SOX6: variants seen among roughly 807,000 people sequenced by gnomAD.
The protein encoded by SOX6 is SRY-box transcription factor 6.
In SOX6, 11 loss-of-function variants were observed where a neutral mutation model predicts 97.8. The observed-to-expected ratio is 0.11, with a 90% CI of 0.07 to 0.19. The LOEUF is 0.19. SOX6 is among the 10% of genes least tolerant of loss of function. The pLI is 1.00. For missense variants in SOX6, 810 were observed against 1,039.5 expected, an observed-to-expected ratio of 0.78 and a Z score of 3.04; for synonymous variants, 360 against 371.4, an observed-to-expected ratio of 0.97 and a Z score of 0.35.
At chr11:16,097,460 C>T (rs759457604) in intron 8 of SOX6, 149 bp downstream of exon 8, 119 of 709,060 alleles carry the variant, frequency 1.7e-4, no homozygotes, top group Non-Finnish European at 2.9e-4. Context: ...CTTCTATTTG[C>T]ATTACGATAA....
chr11:15,994,720 A>G (rs1261154765), intron 13 of SOX6, among the ~76,000 whole-genome samples: 1 of 152,218 alleles, frequency 6.6e-6, no homozygotes, highest in Non-Finnish European at 1.5e-5. Flanking sequence ...ATTTTGTCAG[A>G]TAGAATTAAT....
At chr11:15,988,008 A>G (rs999468791) in intron 14 of SOX6, among the ~76,000 whole-genome samples, 4 of 152,242 alleles carry the variant, frequency 2.6e-5, no homozygotes, top group Non-Finnish European at 5.9e-5. Flanking sequence ...AAACATGTGT[A>G]TCTGTGCATG....
intron 3 of SOX6, among the ~76,000 whole-genome samples, chr11:16,639,482 T>C (rs568631658): frequency 4.5e-4 from 68 of 152,340 alleles, no homozygotes; most frequent in African/African-American, 1.5e-3. Flanking sequence ...GGGGATGGCA[T>C]TGAATCTATA....
chr11:16,521,409 C>T (rs943110089), intron 4 of SOX6, among the ~76,000 whole-genome samples: 1 of 152,178 alleles, frequency 6.6e-6, no homozygotes, highest in Non-Finnish European at 1.5e-5. Context: ...AACAGACCTG[C>T]AGCTGAGGGT....
chr11:16,619,413 C>A (rs972783779), intron 3 of SOX6, among the ~76,000 whole-genome samples: 29 of 151,844 alleles, frequency 1.9e-4, no homozygotes, highest in African/African-American at 6.8e-4. Context: ...GCATTAATCT[C>A]CTGCCCCATG....
intron 1 of SOX6, among the ~76,000 whole-genome samples, chr11:16,354,902 T>A (rs1857035643): frequency 6.6e-6 from 1 of 152,046 alleles, no homozygotes; most frequent in Non-Finnish European, 1.5e-5. Context: ...ACACAATTTT[T>A]TTTTATTTCT....
chr11:16,531,219 A>G (rs1861231625), intron 4 of SOX6, among the ~76,000 whole-genome samples: 1 of 151,122 alleles, frequency 6.6e-6, no homozygotes, highest in South Asian at 2.1e-4. Context: ...AGGATTTTCA[A>G]GACAACAAAT....
chr11:16,599,028 A>G (rs1003853522), intron 4 of SOX6, among the ~76,000 whole-genome samples: 6 of 152,128 alleles, frequency 3.9e-5, no homozygotes, highest in Admixed American at 2.6e-4. Flanking sequence ...TGCACTTTGA[A>G]TTTATCTTAT....
At chr11:16,283,089 GTATATA>G (rs10581083) in intron 3 of SOX6, among the ~76,000 whole-genome samples, 2,517 of 113,676 alleles carry the variant, frequency 0.022, 74 homozygotes, top group Middle Eastern at 0.049. Flanking sequence ...TATATAATTT[GTATATA>G]TATATATATA....
chr11:16,560,090 T>G (rs1383344652), intron 4 of SOX6, among the ~76,000 whole-genome samples: 1 of 152,148 alleles, frequency 6.6e-6, no homozygotes, highest in African/African-American at 2.4e-5. Context: ...GCAAATCAAG[T>G]CCAATTCTTA....
chr11:16,168,571 C>T (rs1407784165), intron 6 of SOX6, among the ~76,000 whole-genome samples: 2 of 152,014 alleles, frequency 1.3e-5, no homozygotes, highest in African/African-American at 2.4e-5. Flanking sequence ...TTATGGAAAC[C>T]ACTATATTTC....
chr11:16,084,889 T>G (rs1848544584), intron 9 of SOX6, among the ~76,000 whole-genome samples: 1 of 152,184 alleles, frequency 6.6e-6, no homozygotes, highest in Non-Finnish European at 1.5e-5. Context: ...AGGGTTTGGT[T>G]GGATATAGGT....
chr11:16,636,668 C>A (rs1370090964), intron 3 of SOX6, among the ~76,000 whole-genome samples: 1 of 152,130 alleles, frequency 6.6e-6, no homozygotes, highest in African/African-American at 2.4e-5. Context: ...TCATCTTAAA[C>A]TGTAGTTCCC....
At chr11:16,089,614 C>G (rs1300276392) in intron 9 of SOX6, among the ~76,000 whole-genome samples, 1 of 151,960 alleles carries the variant, frequency 6.6e-6, no homozygotes, top group African/African-American at 2.4e-5. Flanking sequence ...TAAATTTTCC[C>G]TGAGTTTACC....
intron 4 of SOX6, among the ~76,000 whole-genome samples, chr11:16,580,574 C>A (rs1848023062): frequency 6.6e-6 from 1 of 152,198 alleles, no homozygotes; most frequent in Non-Finnish European, 1.5e-5. Flanking sequence ...ATAGCAAAGA[C>A]AAAATCAACC....
chr11:16,503,378 A>T (rs1388804994), intron 4 of SOX6, among the ~76,000 whole-genome samples: 1 of 152,190 alleles, frequency 6.6e-6, no homozygotes, highest in East Asian at 1.9e-4. Context: ...GAAAGAAAGG[A>T]ACAAATTGTA....
chr11:16,076,661 G>A (rs1848359778), intron 9 of SOX6, among the ~76,000 whole-genome samples: 1 of 151,738 alleles, frequency 6.6e-6, no homozygotes, highest in Non-Finnish European at 1.5e-5. Context: ...AATCATGATG[G>A]AAGGCGAAAG....
chr11:16,309,789 C>T (rs1463994346), intron 3 of SOX6, among the ~76,000 whole-genome samples: 1 of 152,044 alleles, frequency 6.6e-6, no homozygotes, highest in African/African-American at 2.4e-5. Flanking sequence ...CCAAAACTGT[C>T]CCCTATTATT....
chr11:16,629,365 G>GT (rs1848672143), intron 3 of SOX6, among the ~76,000 whole-genome samples: 1 of 152,026 alleles, frequency 6.6e-6, no homozygotes. Context: ...TATAGTTTTT[G>GT]TTTTTAACTC....
Sources: allele counts gnomAD v4.1 joint callset (sites outside exome capture counted in the v4.1 genomes callset), GRCh38; gene constraint gnomAD v4.1.1; transcripts MANE v1.5; gene names NCBI Gene and HGNC (gene_info 2026-07-23, HGNC 2026-07-21).